Variants in KALRN observed in about 807,000 individuals in gnomAD.
The protein encoded by KALRN is kalirin RhoGEF kinase.
KALRN carries 70 observed loss-of-function variants against 353.7 expected under a neutral mutation model. The ratio of observed to expected loss-of-function variants is 0.20; its 90% CI spans 0.16 to 0.24. KALRN has a LOEUF of 0.24. KALRN is among the 10% of genes least tolerant of loss of function. The probability of loss-of-function intolerance (pLI) is 1.00; values close to 1 mark genes in which losing one functional copy is unlikely to be tolerated. For missense variants in KALRN, 2,791 were observed against 3,756.7 expected (o/e 0.74, Z 6.72); for synonymous variants, 1,391 against 1,434.8 (o/e 0.97, Z 0.69).
At chr3:124,712,721 A>G (rs2062951859) in intron 57 of KALRN, among the ~76,000 whole-genome samples, 1 of 149,820 alleles carries the variant, frequency 6.7e-6, no homozygotes, top group African/African-American at 2.4e-5. Flanking sequence ...ATTAGATTAT[A>G]TATAATATAA....
In KALRN at chr3:124,527,432, A is replaced by T. The variant is rs185076831; in HGVS notation, c.4935+31019A>T. ...AGACCATCCTGGCTAACACGGTGAAACCCCGTCTCTACTAAAAATACAAAA... is the reference window on the plus strand; with the variant it reads ...AGACCATCCTGGCTAACACGGTGAATCCCCGTCTCTACTAAAAATACAAAA... On this transcript the variant is annotated intron_variant, in intron 33 of 59. Coordinates refer to ENST00000682506, the MANE Select transcript of KALRN (RefSeq NM_001388419.1). Among the ~76,000 whole-genome samples the T allele has an allele frequency of 2.4e-3, 360 of 151,860 alleles. 2 individuals carry two copies. The highest frequency in any genetic ancestry group is 7.7e-3 in the African/African-American group (320 of 41,366).
intron 27 of KALRN, among the ~76,000 whole-genome samples, chr3:124,479,382 G>A (rs987747438): frequency 3.3e-5 from 5 of 152,110 alleles, no homozygotes; most frequent in African/African-American, 9.7e-5. Context: ...TAAACTCTCC[G>A]GATTGCTTTC....
chr3:124,555,257 C>T lies in KALRN; in HGVS notation c.4936-7586C>T, dbSNP rs193198136. On this transcript the variant is annotated intron_variant, in intron 33 of 59. Coordinates refer to ENST00000682506, the MANE Select transcript of KALRN (RefSeq NM_001388419.1). ...AGAAAAAAAAAAGTTCTCAGCCCGGCGCAGTGGCTCACGCCTGTAATCCCA... is the reference window on the plus strand; with the variant it reads ...AGAAAAAAAAAAGTTCTCAGCCCGGTGCAGTGGCTCACGCCTGTAATCCCA... 3.6e-4 allele frequency among the ~76,000 whole-genome samples: 55 copies of T among 151,980 alleles called. No individual in the cohort carries two copies. The East Asian group carries it at 7.9e-3, about 22-fold the overall frequency.
Position 124,637,104 on chromosome 3 carries a change from C to T in KALRN, c.5569-104C>T. On this transcript the variant is annotated intron_variant, in intron 36 of 59. Transcript: ENST00000682506. Reference sequence around the variant, plus strand: ...TCTTCCGTCTAAACACAGAACTTTGCTTCCCTTCCCTGGCTTGAGCTTTGG... The same window carrying T: ...TCTTCCGTCTAAACACAGAACTTTGTTTCCCTTCCCTGGCTTGAGCTTTGG... 3 of 940,552 alleles carry T rather than the reference C, an allele frequency of 3.2e-6. No individual in the cohort carries two copies. In the Admixed American group the frequency reaches 5.4e-5, roughly 17 times the overall value. 58.3% of individuals were successfully genotyped at this position (940,552 alleles called of 1,614,324 possible). A position where few individuals can be genotyped will look rare whatever the true frequency, so the allele number is the denominator to read the frequency against.
intron 34 of KALRN, among the ~76,000 whole-genome samples, chr3:124,568,693 C>T (rs1578047126): frequency 1.3e-5 from 2 of 152,300 alleles, no homozygotes; most frequent in African/African-American, 2.4e-5. Flanking sequence ...CATGCCACAA[C>T]ATGAATGAAC....
rs73858414 is a variant in KALRN at position 124,318,913 on chromosome 3, C to T, written c.1093-7067C>T. Reference sequence around the variant, plus strand: ...GGTAGATATAAGCAATGGCTGGGTTCCTTTTTTTATTTCCTAACTGTAAAA... The same window carrying T: ...GGTAGATATAAGCAATGGCTGGGTTTCTTTTTTTATTTCCTAACTGTAAAA... On this transcript the variant is annotated intron_variant, in intron 6 of 59. Transcript: ENST00000682506. Among the ~76,000 whole-genome samples, 946 of 152,168 alleles carry T rather than the reference C, an allele frequency of 6.2e-3. 15 individuals carry two copies. Among genetic ancestry groups the T allele is most frequent in the African/African-American group, 0.022 (907 of 41,504 alleles).
At chr3:124,511,539 C>A (rs1242532383) in intron 33 of KALRN, among the ~76,000 whole-genome samples, 1 of 152,158 alleles carries the variant, frequency 6.6e-6, no homozygotes, top group African/African-American at 2.4e-5. Context: ...TAGGCAAGGT[C>A]TGTCCCTGGG....
chr3:124,316,478 A>G (rs1381055003), intron 6 of KALRN, among the ~76,000 whole-genome samples: 3 of 152,150 alleles, frequency 2.0e-5, no homozygotes, highest in South Asian at 2.1e-4. Context: ...AGCCTCTACA[A>G]CTTGTCATTT....
intron 49 of KALRN, among the ~76,000 whole-genome samples, chr3:124,677,937 C>A (rs2087374565): frequency 6.6e-6 from 1 of 152,204 alleles, no homozygotes; most frequent in Admixed American, 6.5e-5. Flanking sequence ...ACCTAGCATT[C>A]ATATTTTCTT....
chr3:124,335,963 G>A (rs1187653774), intron 9 of KALRN, among the ~76,000 whole-genome samples: 3 of 152,126 alleles, frequency 2.0e-5, no homozygotes, highest in Non-Finnish European at 4.4e-5. Flanking sequence ...CCCTTCACAG[G>A]TGTCATTAGA....
intron 51 of KALRN, among the ~76,000 whole-genome samples, chr3:124,684,949 G>A (rs1183177681): frequency 6.6e-6 from 1 of 151,962 alleles, no homozygotes; most frequent in South Asian, 2.1e-4. Flanking sequence ...CCCACTCCCC[G>A]CCAACTACCA....
intron 34 of KALRN, among the ~76,000 whole-genome samples, chr3:124,630,619 C>G (rs2080663179): frequency 6.6e-6 from 1 of 152,090 alleles, no homozygotes; most frequent in Admixed American, 6.6e-5. Context: ...TTCACCTTGC[C>G]CCTATGAGCT....
At chr3:124,533,401 G>A (rs769504410) in intron 33 of KALRN, among the ~76,000 whole-genome samples, 2 of 152,098 alleles carry the variant, frequency 1.3e-5, no homozygotes, top group African/African-American at 2.4e-5. Flanking sequence ...TAGCACTTTG[G>A]TAAGCCGAGT....
intron 33 of KALRN, among the ~76,000 whole-genome samples, chr3:124,556,565 G>C (rs574813060): frequency 6.6e-6 from 1 of 152,264 alleles, no homozygotes; most frequent in African/African-American, 2.4e-5. Flanking sequence ...TCAGCAATTT[G>C]GGGCTTTCCT....
chr3:124,210,390 A>T (rs2150496830), intron 1 of KALRN, among the ~76,000 whole-genome samples: 1 of 152,294 alleles, frequency 6.6e-6, no homozygotes, highest in South Asian at 2.1e-4. Context: ...TGGCACATAA[A>T]CTAATGATAC....
At chr3:124,619,126 C>CT (rs11455473) in intron 34 of KALRN, among the ~76,000 whole-genome samples, 45,069 of 146,434 alleles carry the variant, frequency 0.31, 6,845 homozygotes, top group South Asian at 0.34. Context: ...GTATATTTGA[C>CT]TTTTTTTTTT....
intron 3 of KALRN, among the ~76,000 whole-genome samples, chr3:124,252,936 A>T (rs2071388570): frequency 6.6e-6 from 1 of 152,196 alleles, no homozygotes. Context: ...TTCAAAACCC[A>T]TTCCTAGAGA....
intron 5 of KALRN, among the ~76,000 whole-genome samples, chr3:124,278,492 G>A (rs2149014857): frequency 1.7e-5 from 2 of 119,306 alleles, no homozygotes; most frequent in Middle Eastern, 7.9e-3. Flanking sequence ...TGTGTGTGGT[G>A]CAGGGCAGTA....
chr3:124,355,226 A>C (rs1233197422), intron 10 of KALRN, among the ~76,000 whole-genome samples: 1 of 152,258 alleles, frequency 6.6e-6, no homozygotes, highest in East Asian at 1.9e-4. Context: ...CTTTATTCTT[A>C]GAGCAGAGAG....
Sources: gnomAD v4.1 joint callset for allele counts (sites outside exome capture counted in the v4.1 genomes callset) on GRCh38, gnomAD v4.1.1 for gene constraint, MANE v1.5 for transcripts, NCBI Gene and HGNC (gene_info 2026-07-23, HGNC 2026-07-21) for gene names.